The following SPRY3 variants were observed in gnomAD, a reference collection of about 807,000 sequenced individuals.
The protein encoded by SPRY3 is protein sprouty homolog 3.
Under a neutral mutation model 20.2 loss-of-function variants are expected in SPRY3, and 15 were observed. The ratio of observed to expected loss-of-function variants is 0.74; its 90% CI spans 0.50 to 1.14. SPRY3 has a LOEUF of 1.14. Among genes scored for constraint, SPRY3 ranks in the 50% most tolerant of loss-of-function variants. The pLI is 0.00. For missense variants in SPRY3, 364 were observed against 363.9 expected, an observed-to-expected ratio of 1.00 and a Z score of 0.00; for synonymous variants, 143 against 136.5, an observed-to-expected ratio of 1.05 and a Z score of -0.33.
intron 2 of SPRY3, among the ~76,000 whole-genome samples, chrX:155,711,210 T>A (rs1020312002): frequency 2.6e-5 from 4 of 151,826 alleles, no homozygotes; most frequent in Non-Finnish European, 5.9e-5. Flanking sequence ...CTTTATTTTT[T>A]AAAATAGTTT....
intron 2 of SPRY3, among the ~76,000 whole-genome samples, chrX:155,707,768 T>C (rs2090961549): frequency 6.6e-6 from 1 of 151,250 alleles, no homozygotes. Context: ...GCATGGTATG[T>C]ATTTTTCCAT....
intron 2 of SPRY3, among the ~76,000 whole-genome samples, chrX:155,727,480 T>G (rs1007862855): frequency 3.9e-5 from 6 of 152,154 alleles, no homozygotes; most frequent in African/African-American, 1.2e-4. Flanking sequence ...AGTCCCATGT[T>G]TCTTGGAGGC....
chrX:155,644,163 AAT>A (rs1254662362), intron 1 of SPRY3, among the ~76,000 whole-genome samples: 5 of 110,139 alleles, frequency 4.5e-5, no homozygotes, highest in African/African-American at 1.7e-4. Context: ...CTAGGGTGAA[AAT>A]ATTTTTTCCT....
At chrX:155,776,130 A>G (rs1423697580) in exon 4 of SPRY3, 2 of 167,082 alleles carry the variant, frequency 1.2e-5, no homozygotes, top group East Asian at 3.8e-4. Flanking sequence ...TTCCCATTCA[A>G]TTACTTTTCA....
intron 2 of SPRY3, among the ~76,000 whole-genome samples, chrX:155,673,100 A>G (rs2068048303): frequency 1.1e-5 from 1 of 88,172 alleles, no homozygotes; most frequent in South Asian, 7.7e-4. Flanking sequence ...GCATTAGGAG[A>G]TATACCTAAT....
chrX:155,656,038 T>C (rs1239324700), intron 1 of SPRY3, among the ~76,000 whole-genome samples: 1 of 111,953 alleles, frequency 8.9e-6, no homozygotes, highest in Non-Finnish European at 1.9e-5. Flanking sequence ...CATTTTTTCC[T>C]GGGTTTCAAC....
chrX:155,727,246 C>A (rs1327642136), intron 2 of SPRY3, among the ~76,000 whole-genome samples: 1 of 152,082 alleles, frequency 6.6e-6, no homozygotes, highest in Non-Finnish European at 1.5e-5. Context: ...TTTTTTCTTT[C>A]ATTTCAACCT....
chrX:155,772,767 T>C (rs1467475867), intron 3 of SPRY3, among the ~76,000 whole-genome samples: 1 of 152,146 alleles, frequency 6.6e-6, no homozygotes, highest in Non-Finnish European at 1.5e-5. Flanking sequence ...GCATATGCTT[T>C]CTAGACATTC....
At chrX:155,704,175 A>G (rs1429181060) in intron 2 of SPRY3, among the ~76,000 whole-genome samples, 1 of 151,916 alleles carries the variant, frequency 6.6e-6, no homozygotes, top group African/African-American at 2.4e-5. Context: ...AATATTCAAA[A>G]TCAAAATTAG....
chrX:155,780,608 T>A (rs2091457554), downstream of SPRY3: 3 of 166,946 alleles, frequency 1.8e-5, no homozygotes, highest in South Asian at 6.2e-4. Flanking sequence ...AGCTTTATAG[T>A]CTTGGATAGA....
chrX:155,697,806 G>C (rs1195737640), intron 2 of SPRY3, among the ~76,000 whole-genome samples: 1 of 110,022 alleles, frequency 9.1e-6, no homozygotes, highest in Non-Finnish European at 1.9e-5. Context: ...CTGAACTTAG[G>C]TAATCCTGAG....
At chrX:155,774,687 G>T (rs1473769932) in exon 4 of SPRY3, 4 of 1,613,952 alleles carry the variant, frequency 2.5e-6, no homozygotes, top group African/African-American at 1.3e-5. Flanking sequence ...TGTGCAGAAA[G>T]ATCTCTTCTG....
intron 2 of SPRY3, among the ~76,000 whole-genome samples, chrX:155,749,913 C>T (rs1362001470): frequency 3.0e-4 from 45 of 151,512 alleles, no homozygotes; most frequent in Non-Finnish European, 2.2e-4. Context: ...GAGGAGGGAT[C>T]GAGTCTATAG....
chrX:155,648,176 T>C (rs782380392), intron 1 of SPRY3, among the ~76,000 whole-genome samples: 1 of 112,738 alleles, frequency 8.9e-6, no homozygotes, highest in South Asian at 3.6e-4. Flanking sequence ...TTTGTTTAAG[T>C]TCCTTGTAGA....
chrX:155,649,393 C>T (rs1385926319), intron 1 of SPRY3, among the ~76,000 whole-genome samples: 2 of 111,447 alleles, frequency 1.8e-5, no homozygotes, highest in Non-Finnish European at 3.8e-5. Context: ...AAACCAAATC[C>T]AGCAGCATGT....
chrX:155,725,433 G>A (rs2091090654), intron 2 of SPRY3, among the ~76,000 whole-genome samples: 1 of 152,172 alleles, frequency 6.6e-6, no homozygotes, highest in Admixed American at 6.5e-5. Context: ...ATTCGGCTGT[G>A]AATCCGTCTG....
Position 155,666,988 on chromosome X carries a change from T to C in SPRY3, c.-282+9963T>C, listed in dbSNP as rs188167550. On this transcript the variant is annotated intron_variant, in intron 2 of 3. Coordinates refer to ENST00000675360, the Ensembl canonical transcript of SPRY3. ...CTATACTTAAAGATAGAGTGTTTTGTATAGCATGTGGTGGTCAAGTCTGTC... is the reference window on the plus strand; with the variant it reads ...CTATACTTAAAGATAGAGTGTTTTGCATAGCATGTGGTGGTCAAGTCTGTC... Among the ~76,000 whole-genome samples, 134 of 110,968 alleles carry C rather than the reference T, an allele frequency of 1.2e-3. 1 individual carries two copies. The highest frequency in any genetic ancestry group is 4.2e-3 in the African/African-American group (127 of 30,578).
chrX:155,779,973 C>G (rs746799723), downstream of SPRY3: 48 of 166,994 alleles, frequency 2.9e-4, no homozygotes, highest in African/African-American at 1.1e-3. Flanking sequence ...TATTTTCACT[C>G]TCAAAGATAA....
chrX:155,703,797 G>A (rs1321520071), intron 2 of SPRY3, among the ~76,000 whole-genome samples: 1 of 151,930 alleles, frequency 6.6e-6, no homozygotes, highest in Non-Finnish European at 1.5e-5. Flanking sequence ...ATGTGTCCCA[G>A]AGATTCTGGT....
Sources: allele counts gnomAD v4.1 joint callset (sites outside exome capture counted in the v4.1 genomes callset), GRCh38; gene constraint gnomAD v4.1.1; transcripts MANE v1.5; gene names NCBI Gene and HGNC (gene_info 2026-07-23, HGNC 2026-07-21).